The following ETFA variants were observed in gnomAD, a reference collection of about 807,000 sequenced individuals.
ETFA encodes electron transfer flavoprotein subunit alpha, mitochondrial.
A neutral mutation model predicts 46.2 loss-of-function variants in ETFA; 22 were observed. The observed-to-expected ratio is 0.48, with a 90% CI of 0.34 to 0.68. ETFA has a LOEUF of 0.68. Among genes scored for constraint, ETFA ranks in the 30% least tolerant of loss-of-function variants. The pLI is 0.01. For missense variants in ETFA, 345 were observed against 401.1 expected (o/e 0.86, Z 1.19); for synonymous variants, 131 against 139.9 (o/e 0.94, Z 0.45).
chr15:76,242,403 T>C (rs1324067601), intron 9 of ETFA, among the ~76,000 whole-genome samples: 1 of 152,214 alleles, frequency 6.6e-6, no homozygotes, highest in Non-Finnish European at 1.5e-5. Flanking sequence ...TGCTTACACA[T>C]AGCTTTTCTT....
At chr15:76,259,743 C>A (rs748945511) in intron 9 of ETFA, 7 of 1,575,806 alleles carry the variant, frequency 4.4e-6, no homozygotes, top group Non-Finnish European at 5.2e-6. Flanking sequence ...CAGTTCCGAG[C>A]GGCCAGGTCT....
chr15:76,218,703 A>G (rs1332072155), intron 11 of ETFA, among the ~76,000 whole-genome samples: 8 of 152,202 alleles, frequency 5.3e-5, no homozygotes, highest in Non-Finnish European at 1.2e-4. Flanking sequence ...TCTCTTTTAG[A>G]TATTGCAGAG....
intron 9 of ETFA, among the ~76,000 whole-genome samples, chr15:76,262,119 A>G (rs1166635536): frequency 6.6e-6 from 1 of 152,200 alleles, no homozygotes; most frequent in Non-Finnish European, 1.5e-5. Context: ...AAAAATATAA[A>G]GCCTAGAATA....
intron 4 of ETFA, among the ~76,000 whole-genome samples, chr15:76,289,116 T>A (rs1191651720): frequency 6.6e-6 from 1 of 152,068 alleles, no homozygotes; most frequent in Non-Finnish European, 1.5e-5. Context: ...TTTTTTTCTG[T>A]AGAAGCGGGG....
At chr15:76,269,588 C>T (rs1172175946) in intron 9 of ETFA, among the ~76,000 whole-genome samples, 1 of 152,172 alleles carries the variant, frequency 6.6e-6, no homozygotes, top group Non-Finnish European at 1.5e-5. Flanking sequence ...CCTCTGTTCC[C>T]ACTTTCTCTC....
intron 9 of ETFA, among the ~76,000 whole-genome samples, chr15:76,267,001 G>A (rs2039476327): frequency 6.6e-6 from 1 of 152,026 alleles, no homozygotes; most frequent in Non-Finnish European, 1.5e-5. Context: ...CCAACTTTAG[G>A]CATGCCTACC....
intron 2 of ETFA, among the ~76,000 whole-genome samples, chr15:76,294,351 T>C (rs557747377): frequency 1.3e-5 from 2 of 152,194 alleles, no homozygotes; most frequent in Non-Finnish European, 2.9e-5. Context: ...ATAGATAGCT[T>C]AGCCATCACA....
At position 76,273,071 on chromosome 15, in the gene ETFA, C is replaced by T. The variant is rs73453330; in HGVS notation, c.816+1341G>A. Among the ~76,000 whole-genome samples, 696 of 151,874 alleles carry T rather than the reference C, an allele frequency of 4.6e-3. 6 individuals are homozygous for T. Among genetic ancestry groups the T allele is most frequent in the African/African-American group, 0.016 (659 of 41,390 alleles). On this transcript the variant is annotated intron_variant, in intron 9 of 11. Transcript: ENST00000557943. ...TTAAGCATAAGAAGAAAGACTGGTG[C>T]ATTAGGTTATCAAAATTAGAAATCT...
At chr15:76,304,886 T>A (rs566642568) in intron 1 of ETFA, among the ~76,000 whole-genome samples, 1 of 151,770 alleles carries the variant, frequency 6.6e-6, no homozygotes, top group African/African-American at 2.4e-5. Flanking sequence ...CTACTAAAAA[T>A]ACAAAAATTA....
rs1360840111 is a variant in ETFA, at chr15:76,290,299, A to T, written c.351+2132T>A. ...AACATGGAATCTTATGCAGCCATAA[A>T]AAAAGAGAAACATTATGAGCCAAAG... On this transcript the variant is annotated intron_variant, in intron 4 of 11. Transcript: ENST00000557943. 2.6e-5 allele frequency among the ~76,000 whole-genome samples: 4 copies of T among 151,928 alleles called. No individual in the cohort carries two copies. In the East Asian group the frequency reaches 7.7e-4, roughly 29 times the overall value.
chr15:76,310,846 C>T (rs2039990016), intron 1 of ETFA, among the ~76,000 whole-genome samples: 2 of 150,620 alleles, frequency 1.3e-5, no homozygotes, highest in African/African-American at 2.5e-5. Context: ...CAGCCTCCCA[C>T]CCCACCCCAC....
At chr15:76,286,585 A>G (rs774312473) in intron 5 of ETFA, 104 bp from the exon 6 acceptor site, 1 of 753,968 alleles carries the variant, frequency 1.3e-6, no homozygotes, top group South Asian at 1.5e-5. Flanking sequence ...AGAAATAACT[A>G]TTGACCAGTT....
chr15:76,310,745 A>T (rs2039988826), intron 1 of ETFA, among the ~76,000 whole-genome samples: 1 of 152,254 alleles, frequency 6.6e-6, no homozygotes, highest in Non-Finnish European at 1.5e-5. Flanking sequence ...AAAGCTGTCA[A>T]ATCGGATCGC....
chr15:76,238,690 C>A (rs2039152123), intron 9 of ETFA, among the ~76,000 whole-genome samples: 1 of 152,134 alleles, frequency 6.6e-6, no homozygotes, highest in Non-Finnish European at 1.5e-5. Flanking sequence ...AGTAGATTAA[C>A]CAAACTATAT....
At chr15:76,239,350 A>G (rs532104545) in intron 9 of ETFA, among the ~76,000 whole-genome samples, 45 of 152,214 alleles carry the variant, frequency 3.0e-4, no homozygotes, top group Admixed American at 1.3e-4. Flanking sequence ...TACCACAATC[A>G]GGCTAATTAA....
Position 76,216,511 on chromosome 15 carries a change from C to T in ETFA, c.*48G>A. ...TAATACCCACAAATATCTGTGATTT[C>T]AGTGGAATACTTTAACAAAAGTTTT... On this transcript the variant is annotated 3_prime_UTR_variant, in exon 12 of 12. Transcript: ENST00000557943. 9.6e-7 allele frequency: 1 copy of T among 1,039,658 alleles called. No individual in the cohort carries two copies. Among genetic ancestry groups the T allele is most frequent in the East Asian group, 2.4e-5 (1 of 42,382 alleles). The allele number at this position is 1,039,658 out of a possible 1,614,324, so 64.4% of individuals were successfully genotyped here.
chr15:76,288,230 C>T (rs1025239767), intron 4 of ETFA, among the ~76,000 whole-genome samples: 1 of 152,052 alleles, frequency 6.6e-6, no homozygotes, highest in Non-Finnish European at 1.5e-5. Flanking sequence ...ATTTAATAAA[C>T]ATCAATTACC....
chr15:76,221,401 T>G (rs1338897707), intron 11 of ETFA, among the ~76,000 whole-genome samples: 1 of 152,234 alleles, frequency 6.6e-6, no homozygotes, highest in Non-Finnish European at 1.5e-5. Flanking sequence ...TGATGAAATG[T>G]GTGATAGTGG....
At chr15:76,228,164 T>C (rs182484024) in intron 10 of ETFA, 3 of 364,832 alleles carry the variant, frequency 8.2e-6, no homozygotes, top group African/African-American at 2.1e-5. Flanking sequence ...GAAAGCTTTT[T>C]CATTATACTA....
Sources: gnomAD v4.1 joint callset for allele counts (sites outside exome capture counted in the v4.1 genomes callset) on GRCh38, gnomAD v4.1.1 for gene constraint, MANE v1.5 for transcripts, NCBI Gene and HGNC (gene_info 2026-07-23, HGNC 2026-07-21) for gene names.